The following LZTR1 variants were observed in gnomAD, a reference collection of about 807,000 sequenced individuals.
LZTR1 encodes the protein leucine-zipper-like transcriptional regulator 1.
A neutral mutation model predicts 105.7 loss-of-function variants in LZTR1; 260 were observed. The observed-to-expected ratio is 2.46, with a 90% CI of 2.22 to 2.72. The LOEUF (loss-of-function observed/expected upper bound fraction) is 2.72. LZTR1 is among the 30% of genes most tolerant of loss of function. The pLI is 0.00. For synonymous variants in LZTR1, 490 were observed against 476.4 expected (o/e 1.03, Z -0.37); for missense variants, 1,214 against 1,166.9 (o/e 1.04, Z -0.59).
chr22:20,987,533 C>T lies in LZTR1; in HGVS notation c.350C>T (p.Pro117Leu), dbSNP rs752076438. 3.7e-6 allele frequency: 6 copies of T among 1,614,174 alleles called. No individual in the cohort carries two copies. Among genetic ancestry groups the T allele is most frequent in the Non-Finnish European group, 5.1e-6 (6 of 1,180,010 alleles). The change falls in exon 4 of 21, where the codon CCC (proline) becomes CTC (leucine). Residue 117 changes from proline (P) to leucine (L), a missense_variant. Coordinates refer to ENST00000646124, the MANE Select transcript of LZTR1 (RefSeq NM_006767.4). ...TTTACCACTGGGACCCCACCGGCCC[C>T]CCGTTACCACCACTCGGCCGTCGTC... ...RAFTTGTPPAPRYHHSAVVYG... is the reference protein window; with the variant it reads ...RAFTTGTPPALRYHHSAVVYG...
rs151000791 is a variant in LZTR1 at position 20,995,781 on chromosome 22, G to T, written c.1978G>T (p.Glu660Ter). ...SLIQDMKAYL[E>*]GAGAEFCDIT... is the part of the protein sequence containing the mutation. ...GATCCAGGACATGAAGGCATACCTG[G>T]AGGGAGCGGGCGCGGAATTCTGTGA... The change falls in exon 17 of 21, where the codon GAG (glutamate) becomes TAG (stop). Residue 660 changes from glutamate (E) to a stop codon, truncating the protein, a stop_gained. Coordinates refer to ENST00000646124, the MANE Select transcript of LZTR1 (RefSeq NM_006767.4). LOFTEE classifies it high-confidence loss of function. 1.9e-6 allele frequency: 3 copies of T among 1,613,650 alleles called. No homozygotes were observed. The highest frequency in any genetic ancestry group is 2.5e-6 in the Non-Finnish European group (3 of 1,180,010).
Position 20,995,836 on chromosome 22 carries a change from G to A in LZTR1, c.2033G>A (p.Arg678Gln), listed in dbSNP as rs752699291. The A allele has an allele frequency of 9.9e-6, 16 of 1,613,068 alleles. No homozygotes were observed. The highest frequency in any genetic ancestry group is 6.7e-5 in the East Asian group (3 of 44,852). The change falls in exon 17 of 21, where the codon CGG becomes CAG. Residue 678 changes from arginine (R) to glutamine (Q), a missense_variant. Coordinates refer to ENST00000646124, the MANE Select transcript of LZTR1 (RefSeq NM_006767.4). The stretch of plus-strand genomic sequence containing the variant: ...ACTCTGTTGCTTGACGGGCACCCAC[G>A]GCCAGCCCACAAGGCTATCCTGGCC... The part of the protein sequence containing the change: ...DITLLLDGHP[R>Q]PAHKAILAAR...
At chr22:20,982,642 G>A (rs1924238364) in intron 1 of LZTR1, 71 bp downstream of exon 1, 3 of 1,472,058 alleles carry the variant, frequency 2.0e-6, no homozygotes, top group South Asian at 2.4e-5. Context: ...GGGTCCAGGG[G>A]CGAAGCCGGG....
At position 20,997,778 on chromosome 22, in the gene LZTR1, TG is replaced by T. The variant is rs1433150726; in HGVS notation, c.*431del. On this transcript the variant is annotated 3_prime_UTR_variant, in exon 21 of 21. Transcript: ENST00000646124. The stretch of plus-strand genomic sequence containing the variant: ...CATGCGGGAGGAGGCTTAGCAGACT[TG>T]CGCTGCACCAGCGAATCTGCCTGGG... 1 of 169,848 alleles carries T rather than the reference TG, an allele frequency of 5.9e-6. No individual in the cohort carries two copies. The highest frequency in any genetic ancestry group is 2.4e-5 in the African/African-American group (1 of 41,348). The allele number at this position is 169,848 out of a possible 1,614,324, so 10.5% of individuals were successfully genotyped here.
Position 20,984,504 on chromosome 22 carries a change from G to A in LZTR1, c.264-1337G>A, listed in dbSNP as rs560997208. Among the ~76,000 whole-genome samples the A allele has an allele frequency of 4.0e-5, 6 of 149,820 alleles. No individual in the cohort carries two copies. The South Asian group carries it at 1.3e-3, about 31-fold the overall frequency. ...AATAAGCAGAAACATTTTTGCTGCA[G>A]TATGACAAAGAAATAGGATACAAAT... On this transcript the variant is annotated intron_variant, in intron 2 of 20. Transcript: ENST00000646124.
At chr22:20,989,862 A>G (rs1347864781) in intron 7 of LZTR1, among the ~76,000 whole-genome samples, 180 bp downstream of exon 7, 1 of 151,540 alleles carries the variant, frequency 6.6e-6, no homozygotes, top group Non-Finnish European at 1.5e-5. Context: ...CCCAGCCTCG[A>G]CCTGAGCCTC....
At position 20,982,568 on chromosome 22, in the gene LZTR1, C is replaced by T. The variant is rs1432449293; in HGVS notation, c.197C>T (p.Ala66Val). Residue 66 changes from alanine (A) to valine (V), a missense_variant, in exon 1 of 21, where the codon GCC becomes GTC. Coordinates refer to ENST00000646124, the MANE Select transcript of LZTR1 (RefSeq NM_006767.4). ...CCGCCCTGCGACGAGTTCGTGGGTG[C>T]CCGGTACGGTGGGCTTCATGGGGTC... Reference protein sequence around the residue: ...RLPPCDEFVGARRSKHTVVAY... With the variant: ...RLPPCDEFVGVRRSKHTVVAY... The T allele has an allele frequency of 6.2e-7, 1 of 1,611,312 alleles. No individual in the cohort carries two copies. Among genetic ancestry groups the T allele is most frequent in the Non-Finnish European group, 8.5e-7 (1 of 1,179,080 alleles).
rs766995681 is a variant in LZTR1, at chr22:20,993,881, C to G, written c.1354-43C>G. 5.7e-6 allele frequency: 9 copies of G among 1,589,476 alleles called. No individual in the cohort carries two copies. In the Admixed American group the frequency reaches 1.4e-4, roughly 24 times the overall value. On this transcript the variant is annotated intron_variant, in intron 12 of 20. Transcript: ENST00000646124. The stretch of plus-strand genomic sequence containing the variant: ...CTGGCTGGGTCTCTGTTCTCTGGGG[C>G]GAGGGTCCTGTGCCCTCTGCCAGTG...
intron 2 of LZTR1, among the ~76,000 whole-genome samples, chr22:20,985,179 T>G (rs1924336535): frequency 6.8e-6 from 1 of 147,940 alleles, no homozygotes; most frequent in African/African-American, 2.5e-5. Flanking sequence ...TGCCGCAGCC[T>G]CCCGAGTAGC....
rs1271934002 is a variant in LZTR1 at position 20,992,324 on chromosome 22, C to G, written c.1104C>G (p.Asp368Glu). The change falls in exon 10 of 21, where the codon GAC becomes GAG. Residue 368 changes from aspartate (D) to glutamate (E), a missense_variant. Physicochemically the swap from Asp to Glu is conservative, Grantham distance 45. Transcript: ENST00000646124. The part of the protein sequence containing the change: ...FKKSRDVFGL[D>E]FGTTSAKQPT... Reference sequence around the variant, plus strand: ...AGTCCCGAGATGTGTTTGGCCTGGACTTTGGCACCACCTCAGCCAAGCAGC... The same window carrying G: ...AGTCCCGAGATGTGTTTGGCCTGGAGTTTGGCACCACCTCAGCCAAGCAGC... The G allele has an allele frequency of 2.5e-6, 4 of 1,613,946 alleles. No homozygotes were observed. The African/African-American group carries it at 4.0e-5, about 16-fold the overall frequency.
intron 11 of LZTR1, 96 bp from the exon 12 acceptor site, chr22:20,993,566 C>A (rs1924679636): frequency 1.1e-5 from 11 of 1,005,964 alleles, no homozygotes; most frequent in Non-Finnish European, 1.7e-5. Flanking sequence ...TGAGGGTCAG[C>A]ATGGGCCAGG....
chr22:20,985,910 G>C lies in LZTR1; in HGVS notation c.320+13G>C, dbSNP rs188924002. The C allele has an allele frequency of 6.2e-7, 1 of 1,613,740 alleles. No homozygotes were observed. The highest frequency in any genetic ancestry group is 1.1e-5 in the South Asian group (1 of 91,080). On this transcript the variant is annotated intron_variant, in intron 3 of 20. Transcript: ENST00000646124. Reference sequence around the variant, plus strand: ...GCTCCTGGTGCAGGTGGGTGGCCCCGTGCTCCAGGGCCCTGCCTTTCCTCC... The same window carrying C: ...GCTCCTGGTGCAGGTGGGTGGCCCCCTGCTCCAGGGCCCTGCCTTTCCTCC...
Position 20,992,790 on chromosome 22 carries a change from C to T in LZTR1, c.1150-4C>T, listed in dbSNP as rs1408667869. The T allele has an allele frequency of 6.4e-7, 1 of 1,570,084 alleles. No homozygotes were observed. On this transcript the variant is annotated splice_polypyrimidine_tract_variant and splice_region_variant and intron_variant, in intron 10 of 20. Coordinates refer to ENST00000646124, the MANE Select transcript of LZTR1 (RefSeq NM_006767.4). Reference sequence around the variant, plus strand: ...CCATTCCACCCTGCCTTCTTGTCCCCCAGCTGCCCAGTGGGAGGCTCTTCC... The same window carrying T: ...CCATTCCACCCTGCCTTCTTGTCCCTCAGCTGCCCAGTGGGAGGCTCTTCC...
intron 6 of LZTR1, 131 bp downstream of exon 6, chr22:20,989,003 GGGGGTTTCTTGGGA>G: frequency 1.3e-6 from 1 of 775,732 alleles, no homozygotes; most frequent in East Asian, 2.6e-5. Flanking sequence ...CACTCTGTCT[GGGGGTTTCTTGGGA>G]GGGGGATGGG....
At chr22:20,995,927 G>T (rs374120358) in intron 17 of LZTR1, 36 bp from the exon 18 acceptor site, 3 of 1,613,296 alleles carry the variant, frequency 1.9e-6, no homozygotes, top group Non-Finnish European at 1.7e-6. Flanking sequence ...TCTTCGTTCT[G>T]CTGACGGCCA....
intron 11 of LZTR1, 48 bp downstream of exon 11, chr22:20,992,952 C>T (rs778207566): frequency 1.1e-5 from 15 of 1,321,122 alleles, no homozygotes; most frequent in Non-Finnish European, 1.5e-5. Flanking sequence ...ACGGATCCCC[C>T]GTGATGAGAA....
At chr22:20,992,439 A>T in intron 10 of LZTR1, 70 bp downstream of exon 10, 1 of 1,459,096 alleles carries the variant, frequency 6.9e-7, no homozygotes. Flanking sequence ...CACCTCTCAC[A>T]CATGGGGAGA....
At chr22:20,993,264 T>C in intron 11 of LZTR1, 1 of 409,318 alleles carries the variant, frequency 2.4e-6, no homozygotes. Flanking sequence ...GAGGAGCAGG[T>C]GGTCAGGGCA....
intron 11 of LZTR1, among the ~76,000 whole-genome samples, 170 bp downstream of exon 11, chr22:20,993,074 C>T (rs1924664739): frequency 6.6e-6 from 1 of 152,240 alleles, no homozygotes; most frequent in African/African-American, 2.4e-5. Flanking sequence ...TGAGGTGGCA[C>T]TAAAGTGGGC....
Sources: allele counts gnomAD v4.1 joint callset (sites outside exome capture counted in the v4.1 genomes callset), GRCh38; gene constraint gnomAD v4.1.1; transcripts MANE v1.5; gene names NCBI Gene and HGNC (gene_info 2026-07-23, HGNC 2026-07-21).